The following ZNF814 variants were observed in gnomAD, a reference collection of about 807,000 sequenced individuals.
The protein encoded by ZNF814 is zinc finger protein 814.
Under a neutral mutation model 7.5 loss-of-function variants are expected in ZNF814, and 5 were observed. The observed-to-expected ratio is 0.67, with a 90% CI of 0.35 to 1.40. The LOEUF (loss-of-function observed/expected upper bound fraction) is 1.40. ZNF814 is among the 40% of genes most tolerant of loss of function. The probability of loss-of-function intolerance (pLI) is 0.04; values close to 1 mark genes in which losing one functional copy is unlikely to be tolerated. For missense variants in ZNF814, 962 were observed against 1,018.0 expected (o/e 0.94, Z 0.75); for synonymous variants, 315 against 340.7 (o/e 0.92, Z 0.83).
chr19:57,890,324 C>T (rs757091794), upstream of ZNF814, among the ~76,000 whole-genome samples: 10 of 151,998 alleles, frequency 6.6e-5, no homozygotes, highest in Non-Finnish European at 1.0e-4. Flanking sequence ...CTGAAAATTG[C>T]GAGACTGGGG....
At chr19:57,887,216 A>G (rs918309443) in intron 1 of ZNF814, among the ~76,000 whole-genome samples, 1 of 152,222 alleles carries the variant, frequency 6.6e-6, no homozygotes, top group African/African-American at 2.4e-5. Flanking sequence ...TAAAAAATAA[A>G]GACTACATCT....
intron 1 of ZNF814, among the ~76,000 whole-genome samples, chr19:57,885,393 G>A (rs1289813418): frequency 2.0e-5 from 3 of 151,418 alleles, no homozygotes. Context: ...CACTTCGGGA[G>A]GCTGAGGTGG....
chr19:57,901,997 A>G, the ZNF814 span, among the ~76,000 whole-genome samples: 2 of 152,188 alleles, frequency 1.3e-5, no homozygotes, highest in Non-Finnish European at 2.9e-5. Context: ...TAGGATATAA[A>G]TATCCTCCAA....
intron 2 of ZNF814, 33 bp from the exon 3 acceptor site, chr19:57,875,259 T>A: frequency 6.6e-7 from 1 of 1,513,910 alleles, no homozygotes; most frequent in African/African-American, 1.4e-5. Context: ...GAAGTGCATG[T>A]TAACTCTGGT....
chr19:57,896,289 C>T, the ZNF814 span, among the ~76,000 whole-genome samples: 2 of 152,068 alleles, frequency 1.3e-5, no homozygotes, highest in East Asian at 1.9e-4. This position sits in a 1 kb window ranked among gnomAD's most constrained non-coding sequence, Gnocchi z 4.2. Flanking sequence ...GCTCTTGAGC[C>T]ATTTCAAACA....
chr19:57,871,159 T>C lies in ZNF814; in HGVS notation c.*1663A>G, dbSNP rs1001907068. ...GGGCATGTGTCTGCATTGCAAGAGCTGGGCAACAGACTTCCCTCAGCCGTA... is the reference window on the plus strand; with the variant it reads ...GGGCATGTGTCTGCATTGCAAGAGCCGGGCAACAGACTTCCCTCAGCCGTA... On this transcript the variant is annotated 3_prime_UTR_variant, in exon 3 of 3. Transcript: ENST00000435989. 6.6e-6 allele frequency: 1 copy of C among 152,196 alleles called. No homozygotes were observed. The highest frequency in any genetic ancestry group is 2.4e-5 in the African/African-American group (1 of 41,448). 9.4% of individuals were successfully genotyped at this position (152,196 alleles called of 1,614,324 possible). A position where few individuals can be genotyped will look rare whatever the true frequency, so the allele number is the denominator to read the frequency against.
the ZNF814 span, among the ~76,000 whole-genome samples, chr19:57,898,950 A>G: frequency 2.6e-5 from 4 of 151,790 alleles, no homozygotes; most frequent in Non-Finnish European, 4.4e-5. Context: ...AAAAAAAAAA[A>G]AAAAAAAGAA....
In ZNF814 at chr19:57,869,942, C is replaced by CAAAAAAAAAAAAAA. The variant is rs57591690; in HGVS notation, c.*2866_*2879dup. 3.6e-3 allele frequency: 478 copies of CAAAAAAAAAAAAAA among 133,232 alleles called. 13 individuals carry two copies. The highest frequency in any genetic ancestry group is 0.013 in the African/African-American group (448 of 33,286). The allele number at this position is 133,232 out of a possible 1,614,324, so 8.3% of individuals were successfully genotyped here. On this transcript the variant is annotated 3_prime_UTR_variant, in exon 3 of 3. Coordinates refer to ENST00000435989, the MANE Select transcript of ZNF814 (RefSeq NM_001144989.2). ...CCTGGCTGACAGTGAGACTCTGTCT[C>CAAAAAAAAAAAAAA]AAAAAAAAAAAAAAAAGGTTGGGCA...
At position 57,870,244 on chromosome 19, in the gene ZNF814, AAAAT is replaced by A. The variant is rs1183172932; in HGVS notation, c.*2574_*2577del. On this transcript the variant is annotated 3_prime_UTR_variant, in exon 3 of 3. Coordinates refer to ENST00000435989, the MANE Select transcript of ZNF814 (RefSeq NM_001144989.2). ...GGGCAACAGAGCAAGACTCCGTCTC[AAAAT>A]AAATAATAATAATAATTAAAAAAAT... 6.6e-6 allele frequency: 1 copy of A among 152,156 alleles called. No individual in the cohort carries two copies. The highest frequency in any genetic ancestry group is 1.5e-5 in the Non-Finnish European group (1 of 68,032). The allele number at this position is 152,156 out of a possible 1,614,324, so 9.4% of individuals were successfully genotyped here.
Position 57,872,859 on chromosome 19 carries a change from A to G in ZNF814, c.2531T>C (p.Leu844Pro). 6.2e-7 allele frequency: 1 copy of G among 1,611,982 alleles called. No individual in the cohort carries two copies. Among genetic ancestry groups the G allele is most frequent in the Non-Finnish European group, 8.5e-7 (1 of 1,179,320 alleles). The part of the protein sequence containing the change: ...GKLFNKKSHL[L>P]VHQSSHWRKA... ...TCTCCAGTGTGAACTCTGGTGTACA[A>G]GGAGGTGAGACTTCTTGTTAAATAA... The change falls in exon 3 of 3, where the codon CTT becomes CCT. Residue 844 changes from leucine to proline, a missense_variant. Around this residue, in one of 7 missense-constraint regions of ZNF814, gnomAD observed 665 missense variants for 551.4 expected, o/e 1.21. Transcript: ENST00000435989.
At chr19:57,902,502 A>G in the ZNF814 span, among the ~76,000 whole-genome samples, 2 of 152,196 alleles carry the variant, frequency 1.3e-5, no homozygotes, top group African/African-American at 2.4e-5. Flanking sequence ...GAAATTAGCT[A>G]TGGCTCAAAG....
upstream of ZNF814, among the ~76,000 whole-genome samples, chr19:57,893,945 A>G (rs1421367229): frequency 2.1e-5 from 3 of 146,180 alleles, no homozygotes; most frequent in African/African-American, 7.7e-5. Flanking sequence ...TTAGTCGTGC[A>G]TGTTGGTGTG....
In ZNF814 at chr19:57,886,382, C is replaced by T. The variant is rs556948252; in HGVS notation, c.36+2385G>A. Reference sequence around the variant, plus strand: ...ATGTGATCTACAACAAAGATTCAACCTCCCAGGGCCCCACGGTGCTCATCA... The same window carrying T: ...ATGTGATCTACAACAAAGATTCAACTTCCCAGGGCCCCACGGTGCTCATCA... On this transcript the variant is annotated intron_variant, in intron 1 of 2. Coordinates refer to ENST00000435989, the MANE Select transcript of ZNF814 (RefSeq NM_001144989.2). Among the ~76,000 whole-genome samples, 14 of 152,250 alleles carry T rather than the reference C, an allele frequency of 9.2e-5. No homozygotes were observed. In the South Asian group the frequency reaches 2.9e-3, roughly 32 times the overall value.
chr19:57,895,187 G>A, the ZNF814 span, among the ~76,000 whole-genome samples: 2 of 152,220 alleles, frequency 1.3e-5, no homozygotes, highest in South Asian at 4.1e-4. Flanking sequence ...CTCTTAGGAA[G>A]GACTAAATCT....
At chr19:57,880,698 C>T (rs1168083763) in intron 1 of ZNF814, among the ~76,000 whole-genome samples, 5 of 144,682 alleles carry the variant, frequency 3.5e-5, no homozygotes, top group Admixed American at 6.8e-5. Context: ...CCTCTGCCTC[C>T]GGGGTTCAAG....
the ZNF814 span, among the ~76,000 whole-genome samples, chr19:57,894,418 G>A: frequency 0.054 from 8,243 of 151,820 alleles, 779 homozygotes; most frequent in African/African-American, 0.18. Flanking sequence ...AAAGAAGTGG[G>A]TTTTCTTATT....
At chr19:57,886,962 C>T (rs1446070040) in intron 1 of ZNF814, among the ~76,000 whole-genome samples, 1 of 151,574 alleles carries the variant, frequency 6.6e-6, no homozygotes, top group Non-Finnish European at 1.5e-5. Context: ...CTGAGGCGGG[C>T]GGATCAGTTG....
rs2071585987 is a variant in ZNF814, at chr19:57,874,340, T to A, written c.1050A>T (p.Lys350Asn). ...TCCCACATTCTCCACATTCATAATG[T>A]TTTTTTTCAGTGTGAACTCTCTGAT... ...SNHQRVHTEK[K>N]HYECGECGKS... Residue 350 changes from lysine to asparagine, a missense_variant, in exon 3 of 3, where the codon AAA (lysine) becomes AAT (asparagine). Lys to Asn is a moderately conservative substitution (Grantham distance 94). Around this residue, in one of 7 missense-constraint regions of ZNF814, gnomAD observed 30 missense variants for 97.6 expected, o/e 0.31. Transcript: ENST00000435989. The A allele has an allele frequency of 3.1e-6, 5 of 1,605,064 alleles. No homozygotes were observed. The highest frequency in any genetic ancestry group is 2.3e-5 in the East Asian group (1 of 44,362).
rs1006184775 is a variant in ZNF814 at position 57,871,540 on chromosome 19, A to G, written c.*1282T>C. 2 of 152,184 alleles carry G rather than the reference A, an allele frequency of 1.3e-5. No individual in the cohort carries two copies. The highest frequency in any genetic ancestry group is 6.6e-5 in the Admixed American group (1 of 15,254). The allele number at this position is 152,184 out of a possible 1,614,324, so 9.4% of individuals were successfully genotyped here. Reference sequence around the variant, plus strand: ...AAGATTGAAGAAGGCTGAAACAATAAGGCCTTCATAATAGCACAAACCGGA... The same window carrying G: ...AAGATTGAAGAAGGCTGAAACAATAGGGCCTTCATAATAGCACAAACCGGA... On this transcript the variant is annotated 3_prime_UTR_variant, in exon 3 of 3. Coordinates refer to ENST00000435989, the MANE Select transcript of ZNF814 (RefSeq NM_001144989.2).
Sources: gnomAD v4.1 joint callset for allele counts (sites outside exome capture counted in the v4.1 genomes callset) on GRCh38, gnomAD v4.1.1 for gene constraint, gnomAD v4.1.1 regional missense constraint, Gnocchi (gnomAD v3.1) non-coding constraint, MANE v1.5 for transcripts, NCBI Gene and HGNC (gene_info 2026-07-23, HGNC 2026-07-21) for gene names.